CDKAL1: variants seen among roughly 807,000 people sequenced by gnomAD.
CDKAL1 encodes the protein CDKAL1 threonylcarbamoyladenosine tRNA methylthiotransferase.
In CDKAL1, 32 loss-of-function variants were observed where a neutral mutation model predicts 68.2. That is an observed-to-expected ratio of 0.47 (90% CI 0.35 to 0.63). The LOEUF (loss-of-function observed/expected upper bound fraction) is 0.63, where lower values mean the gene tolerates loss of function less well. Among genes scored for constraint, CDKAL1 ranks in the 30% least tolerant of loss-of-function variants. CDKAL1 has a pLI of 0.00. For synonymous variants in CDKAL1, 234 were observed against 244.3 expected (o/e 0.96, Z 0.39); for missense variants, 606 against 696.7 (o/e 0.87, Z 1.47).
At chr6:20,702,881 C>T (rs182129083) in intron 5 of CDKAL1, among the ~76,000 whole-genome samples, 3 of 152,122 alleles carry the variant, frequency 2.0e-5, no homozygotes, top group Non-Finnish European at 4.4e-5. Context: ...CACTTCCCTT[C>T]ACCACTTCTT....
intron 10 of CDKAL1, among the ~76,000 whole-genome samples, chr6:20,961,525 C>T (rs1224935477): frequency 1.7e-4 from 26 of 151,978 alleles, no homozygotes; most frequent in Non-Finnish European, 3.5e-4. Flanking sequence ...CCCAGCACTT[C>T]GGGAGGCCGA....
intron 13 of CDKAL1, among the ~76,000 whole-genome samples, chr6:21,149,146 T>G (rs9368281): frequency 0.08 from 11,510 of 143,650 alleles, 578 homozygotes; most frequent in East Asian, 0.26. Context: ...TTCAAAAAAC[T>G]TTTTTTTTTT....
intron 12 of CDKAL1, among the ~76,000 whole-genome samples, chr6:21,090,138 G>C (rs1437739678): frequency 1.3e-5 from 2 of 152,190 alleles, no homozygotes; most frequent in Non-Finnish European, 2.9e-5. Context: ...CTCATGATAA[G>C]ATAATGAATA....
At chr6:20,793,230 C>G (rs1775971234) in intron 8 of CDKAL1, among the ~76,000 whole-genome samples, 1 of 152,160 alleles carries the variant, frequency 6.6e-6, no homozygotes, top group African/African-American at 2.4e-5. Context: ...CCCTTTCTGT[C>G]TACTTCAACT....
At chr6:20,560,818 G>A (rs1561926170) in intron 4 of CDKAL1, among the ~76,000 whole-genome samples, 1 of 152,010 alleles carries the variant, frequency 6.6e-6, no homozygotes, top group Non-Finnish European at 1.5e-5. Flanking sequence ...TCAAATTTGA[G>A]TTTCTAAGGA....
At chr6:20,821,655 A>T (rs546023396) in intron 8 of CDKAL1, among the ~76,000 whole-genome samples, 4 of 151,976 alleles carry the variant, frequency 2.6e-5, no homozygotes, top group Non-Finnish European at 5.9e-5. Context: ...CCTGGCATAG[A>T]GTGTGTGCTT....
rs545827553 is a variant in CDKAL1, at chr6:20,877,628, G to A, written c.742+31450G>A. ...AGTTCAGTATGAACTCAGAAAACTT[G>A]TTTGTGACCCGAAATTAGTTCTGTG... On this transcript the variant is annotated intron_variant, in intron 9 of 15. Transcript: ENST00000274695. Among the ~76,000 whole-genome samples the A allele has an allele frequency of 7.2e-5, 11 of 152,286 alleles. No homozygotes were observed. In the East Asian group the frequency reaches 2.1e-3, roughly 29 times the overall value.
intron 9 of CDKAL1, among the ~76,000 whole-genome samples, chr6:20,868,265 G>A (rs1255362111): frequency 6.6e-6 from 1 of 152,004 alleles, no homozygotes; most frequent in Non-Finnish European, 1.5e-5. Context: ...AATCTGAAAG[G>A]GTCTGCTCCT....
intron 13 of CDKAL1, among the ~76,000 whole-genome samples, chr6:21,146,853 A>AG (rs1776196543): frequency 6.7e-6 from 1 of 149,806 alleles, no homozygotes; most frequent in African/African-American, 2.4e-5. Context: ...TCCGTCTCAA[A>AG]AAAAAAAAAA....
At chr6:20,665,075 G>A (rs1383812776) in intron 5 of CDKAL1, among the ~76,000 whole-genome samples, 2 of 152,028 alleles carry the variant, frequency 1.3e-5, no homozygotes, top group Admixed American at 6.6e-5. Flanking sequence ...ATGGGGTTGG[G>A]GGAGTGATCT....
intron 9 of CDKAL1, among the ~76,000 whole-genome samples, chr6:20,944,303 G>A (rs1049300811): frequency 2.6e-5 from 4 of 152,188 alleles, no homozygotes; most frequent in African/African-American, 9.7e-5. Context: ...CAGTAGTAGG[G>A]TAATTTCTAT....
chr6:21,046,765 C>T (rs1383328902), intron 11 of CDKAL1, among the ~76,000 whole-genome samples: 4 of 152,260 alleles, frequency 2.6e-5, no homozygotes, highest in Admixed American at 2.0e-4. Flanking sequence ...CTCCCTGCCA[C>T]AGCAGCCCCC....
chr6:20,984,624 G>A (rs1480029137), intron 10 of CDKAL1, among the ~76,000 whole-genome samples: 1 of 152,102 alleles, frequency 6.6e-6, no homozygotes, highest in Non-Finnish European at 1.5e-5. Context: ...GATGAAGGTG[G>A]CTCCCAGCGG....
chr6:20,553,251 C>T lies in CDKAL1; in HGVS notation c.286+4546C>T, dbSNP rs529420861. 2.9e-4 allele frequency among the ~76,000 whole-genome samples: 44 copies of T among 151,876 alleles called. No homozygotes were observed. The South Asian group carries it at 6.9e-3, about 24-fold the overall frequency. ...AAGGCCAGGTGTGGTGGCTCACGCC[C>T]GTAATCCCAGCACTTAGGAGGCCGA... On this transcript the variant is annotated intron_variant, in intron 4 of 15. Coordinates refer to ENST00000274695, the MANE Select transcript of CDKAL1 (RefSeq NM_017774.3).
intron 5 of CDKAL1, among the ~76,000 whole-genome samples, chr6:20,651,483 G>T (rs1370660494): frequency 6.6e-6 from 1 of 152,080 alleles, no homozygotes; most frequent in Non-Finnish European, 1.5e-5. Flanking sequence ...CTAGGAATAG[G>T]ATCATGTCAT....
chr6:20,731,770 T>G (rs917048028), intron 5 of CDKAL1, among the ~76,000 whole-genome samples: 9 of 152,296 alleles, frequency 5.9e-5, no homozygotes, highest in African/African-American at 1.9e-4. Context: ...AAAGGTTCAG[T>G]TTGGCAGGTT....
chr6:20,696,947 TA>T (rs1318843896), intron 5 of CDKAL1, among the ~76,000 whole-genome samples: 1 of 152,050 alleles, frequency 6.6e-6, no homozygotes, highest in East Asian at 1.9e-4. Context: ...TCACGAAGAT[TA>T]AAAAAAATCC....
Position 20,546,472 on chromosome 6 carries a change from G to A in CDKAL1, c.122G>A (p.Arg41Gln), listed in dbSNP as rs145537300. 7.7e-5 allele frequency: 124 copies of A among 1,614,088 alleles called. No homozygotes were observed. The highest frequency in any genetic ancestry group is 7.6e-4 in the African/African-American group (57 of 75,046). ...RKDVVPKVRR[R>Q]NTQKYLQEEE... is the part of the protein sequence containing the mutation. The stretch of plus-strand genomic sequence containing the variant: ...GATGTTGTCCCGAAGGTACGAAGGC[G>A]AAATACCCAAAAATATTTGCAAGAG... Residue 41 changes from arginine to glutamine, a missense_variant, in exon 3 of 16, where the codon CGA becomes CAA. Transcript: ENST00000274695.
intron 15 of CDKAL1, among the ~76,000 whole-genome samples, chr6:21,214,111 A>G (rs1336780965): frequency 1.3e-5 from 2 of 152,168 alleles, no homozygotes; most frequent in Non-Finnish European, 2.9e-5. Flanking sequence ...CTTATGTGAA[A>G]TATTGAGAAT....
Sources: gnomAD v4.1 joint callset for allele counts (sites outside exome capture counted in the v4.1 genomes callset) on GRCh38, gnomAD v4.1.1 for gene constraint, MANE v1.5 for transcripts, NCBI Gene and HGNC (gene_info 2026-07-23, HGNC 2026-07-21) for gene names.